The following CSMD1 variants were observed in gnomAD, a reference collection of about 807,000 sequenced individuals.
The protein encoded by CSMD1 is CUB and Sushi multiple domains 1, also known as CUB and sushi domain-containing protein 1.
A neutral mutation model predicts 417.5 loss-of-function variants in CSMD1; 213 were observed. The observed-to-expected ratio is 0.51, with a 90% CI of 0.46 to 0.57. The LOEUF is 0.57. Among genes scored for constraint, CSMD1 ranks in the 20% least tolerant of loss-of-function variants. The pLI is 0.00. For synonymous variants in CSMD1, 2,862 were observed against 1,736.8 expected (o/e 1.65, Z -16.11); for missense variants, 6,923 against 4,529.7 (o/e 1.53, Z -15.17).
At chr8:3,858,039 G>A (rs1242440812) in intron 5 of CSMD1, among the ~76,000 whole-genome samples, 1 of 152,224 alleles carries the variant, frequency 6.6e-6, no homozygotes, top group Non-Finnish European at 1.5e-5. Context: ...AAAAATTAGT[G>A]ATTATGTGTT....
rs191203927 is a variant in CSMD1 at position 4,252,855 on chromosome 8, G to A, written c.415+167098C>T. 3.8e-3 allele frequency among the ~76,000 whole-genome samples: 586 copies of A among 152,312 alleles called. 1 individual carries two copies. The highest frequency in any genetic ancestry group is 8.2e-3 in the Admixed American group (125 of 15,300). On this transcript the variant is annotated intron_variant, in intron 3 of 69. Coordinates refer to ENST00000635120, the MANE Select transcript of CSMD1 (RefSeq NM_033225.6). ...TGACTGGAGTTGCAGCAGCCTTCTT[G>A]GGACCATGAGTGAAAGGCAAAGAGA...
intron 3 of CSMD1, among the ~76,000 whole-genome samples, chr8:4,197,373 C>T (rs1035073017): frequency 1.3e-5 from 2 of 152,116 alleles, no homozygotes; most frequent in African/African-American, 4.8e-5. Context: ...GTGGGTGTGT[C>T]TGTGGTGGTG....
At chr8:3,957,550 G>A (rs2688339) in intron 5 of CSMD1, among the ~76,000 whole-genome samples, 68,901 of 151,788 alleles carry the variant, frequency 0.45, 16,604 homozygotes, top group East Asian at 0.79. Flanking sequence ...TGGGCATGGC[G>A]GGGCATACTT....
In CSMD1 at chr8:3,406,058, C is replaced by A. The variant is rs577019255; in HGVS notation, c.2235G>T (p.Val745=). 6 of 1,613,868 alleles carry A rather than the reference C, an allele frequency of 3.7e-6. No homozygotes were observed. Among genetic ancestry groups the A allele is most frequent in the Middle Eastern group, 3.3e-4 (2 of 6,062 alleles). ...AGCGGGGCACGGTGGAGCTCCAGACCACGTTCCCGTCTTGCAGTATGCAGG... is the reference window on the plus strand; with the variant it reads ...AGCGGGGCACGGTGGAGCTCCAGACAACGTTCCCGTCTTGCAGTATGCAGG... ...SITCILQDGN[V]VWSSTVPRCE... The change falls in exon 15 of 70, where the codon GTG becomes GTT. Residue 745 remains valine (V), a synonymous_variant. Coordinates refer to ENST00000635120, the MANE Select transcript of CSMD1 (RefSeq NM_033225.6).
intron 5 of CSMD1, among the ~76,000 whole-genome samples, chr8:3,970,610 G>C (rs969981364): frequency 4.6e-5 from 7 of 152,164 alleles, no homozygotes; most frequent in Non-Finnish European, 7.3e-5. Flanking sequence ...AAAGGATCTA[G>C]GGAAACTCAA....
intron 42 of CSMD1, among the ~76,000 whole-genome samples, chr8:3,112,131 C>G (rs1283002310): frequency 6.6e-6 from 1 of 151,606 alleles, no homozygotes; most frequent in Non-Finnish European, 1.5e-5. Context: ...CTCCTCCCAC[C>G]CCAGCTGCTA....
At chr8:4,931,937 G>C (rs1807276316) in intron 1 of CSMD1, among the ~76,000 whole-genome samples, 1 of 152,102 alleles carries the variant, frequency 6.6e-6, no homozygotes, top group South Asian at 2.1e-4. Context: ...GCTTATGTAA[G>C]AAATTCTTGT....
At chr8:4,389,689 A>G (rs1419067411) in intron 3 of CSMD1, among the ~76,000 whole-genome samples, 1 of 152,124 alleles carries the variant, frequency 6.6e-6, no homozygotes, top group Non-Finnish European at 1.5e-5. Context: ...TGGGGTAAAC[A>G]CATTCTAAGA....
intron 1 of CSMD1, among the ~76,000 whole-genome samples, chr8:4,701,967 A>G (rs549480344): frequency 1.3e-5 from 2 of 152,286 alleles, no homozygotes; most frequent in East Asian, 3.9e-4. Context: ...AGGGGCATGG[A>G]TGGAGCTGGA....
At chr8:3,801,548 G>A (rs1467112187) in intron 5 of CSMD1, among the ~76,000 whole-genome samples, 2 of 152,010 alleles carry the variant, frequency 1.3e-5, no homozygotes, top group African/African-American at 4.8e-5. Context: ...GAGATATGCT[G>A]GAAGACAGTT....
chr8:3,873,651 A>G (rs115214609), intron 5 of CSMD1, among the ~76,000 whole-genome samples: 7,144 of 152,268 alleles, frequency 0.047, 222 homozygotes, highest in Middle Eastern at 0.078. Flanking sequence ...TCAAACCCCC[A>G]TGACACTAGT....
intron 3 of CSMD1, among the ~76,000 whole-genome samples, chr8:4,270,422 A>G (rs937860460): frequency 1.3e-5 from 2 of 151,740 alleles, no homozygotes; most frequent in Admixed American, 1.3e-4. Flanking sequence ...TGGCTCTTCT[A>G]CTTTCTGAAA....
At chr8:3,398,267 C>T (rs1011965579) in intron 16 of CSMD1, among the ~76,000 whole-genome samples, 5 of 152,118 alleles carry the variant, frequency 3.3e-5, no homozygotes, top group African/African-American at 1.2e-4. Context: ...CCAACGTAAT[C>T]AACTGAATAC....
intron 3 of CSMD1, among the ~76,000 whole-genome samples, chr8:4,219,957 G>T (rs1647322): frequency 0.46 from 69,433 of 152,026 alleles, 18,109 homozygotes; most frequent in Non-Finnish European, 0.59. Context: ...ATTTTTTAAT[G>T]CTTTTTTTTT....
chr8:3,216,695 G>A (rs951970721), intron 29 of CSMD1, among the ~76,000 whole-genome samples: 2 of 152,198 alleles, frequency 1.3e-5, no homozygotes, highest in African/African-American at 2.4e-5. Context: ...CTTCTAACTA[G>A]ATGACTTCAT....
Position 4,376,043 on chromosome 8 carries a change from A to C in CSMD1, c.415+43910T>G, listed in dbSNP as rs774771557. On this transcript the variant is annotated intron_variant, in intron 3 of 69. Coordinates refer to ENST00000635120, the MANE Select transcript of CSMD1 (RefSeq NM_033225.6). ...GGAAAATGCCCGTCTTTAAGTCTTGATATCTATACTGAAGCTAGAGAAGAA... is the reference window on the plus strand; with the variant it reads ...GGAAAATGCCCGTCTTTAAGTCTTGCTATCTATACTGAAGCTAGAGAAGAA... 3.9e-5 allele frequency among the ~76,000 whole-genome samples: 6 copies of C among 152,308 alleles called. No individual in the cohort carries two copies. In the South Asian group the frequency reaches 1.2e-3, roughly 32 times the overall value.
intron 6 of CSMD1, among the ~76,000 whole-genome samples, chr8:3,723,916 G>A (rs1802335030): frequency 6.6e-6 from 1 of 152,160 alleles, no homozygotes; most frequent in East Asian, 1.9e-4. Context: ...TATGGATGCA[G>A]ATTCCATTTT....
At chr8:4,532,859 C>T (rs1237092628) in intron 2 of CSMD1, among the ~76,000 whole-genome samples, 1 of 150,410 alleles carries the variant, frequency 6.6e-6, no homozygotes, top group Admixed American at 6.6e-5. Flanking sequence ...TGTTGCACCC[C>T]CATTCAGTCA....
At chr8:4,819,761 C>A (rs963296514) in intron 1 of CSMD1, among the ~76,000 whole-genome samples, 1 of 152,014 alleles carries the variant, frequency 6.6e-6, no homozygotes, top group African/African-American at 2.4e-5. Context: ...AGGGACCTGG[C>A]TGCTTTTCCA....
Sources: allele counts gnomAD v4.1 joint callset (sites outside exome capture counted in the v4.1 genomes callset), GRCh38; gene constraint gnomAD v4.1.1; transcripts MANE v1.5; gene names NCBI Gene and HGNC (gene_info 2026-07-23, HGNC 2026-07-21).